FGF1: variants seen among roughly 807,000 people sequenced by gnomAD.
FGF1 encodes beta-endothelial cell growth factor.
Under a neutral mutation model 13.4 loss-of-function variants are expected in FGF1, and 9 were observed. The ratio of observed to expected loss-of-function variants is 0.67; its 90% CI spans 0.40 to 1.17. The LOEUF is 1.17. Among genes scored for constraint, FGF1 ranks in the 50% most tolerant of loss-of-function variants. The pLI is 0.01. For missense variants in FGF1, 156 were observed against 192.7 expected (o/e 0.81, Z 1.13); for synonymous variants, 93 against 79.0 (o/e 1.18, Z -0.94).
At chr5:142,626,877 G>A (rs1039083748) in intron 1 of FGF1, 10 of 152,246 alleles carry the variant, frequency 6.6e-5, no homozygotes, top group African/African-American at 2.4e-4. Context: ...CACAACCTGA[G>A]AGTCATAGAC....
chr5:142,657,417 C>G (rs185805826), intron 1 of FGF1, among the ~76,000 whole-genome samples: 11 of 152,156 alleles, frequency 7.2e-5, no homozygotes, highest in Admixed American at 3.3e-4. Context: ...AGCACCCCCC[C>G]AACACCTCTC....
At chr5:142,637,939 G>T (rs550274327) in intron 1 of FGF1, among the ~76,000 whole-genome samples, 2 of 152,152 alleles carry the variant, frequency 1.3e-5, no homozygotes, top group East Asian at 1.9e-4. Context: ...ACTCTGTGGG[G>T]CTTGGTGATG....
intron 1 of FGF1, among the ~76,000 whole-genome samples, chr5:142,663,446 G>T (rs1769666690): frequency 6.6e-6 from 1 of 152,172 alleles, no homozygotes; most frequent in African/African-American, 2.4e-5. Context: ...TGACTCAGTG[G>T]CTTGGAGGAG....
At position 142,600,703 on chromosome 5, in the gene FGF1, G is replaced by T; in HGVS notation, c.272C>A (p.Ser91Ter). 2 of 1,606,870 alleles carry T rather than the reference G, an allele frequency of 1.2e-6. No individual in the cohort carries two copies. The highest frequency in any genetic ancestry group is 1.3e-5 in the African/African-American group (1 of 74,842). Residue 91 changes from serine (S) to a stop codon, truncating the protein, a stop_gained and splice_region_variant, in exon 3 of 4, where the codon TCA becomes TAA. Transcript: ENST00000337706. LOFTEE classifies it high-confidence loss of function. ...GAAGCATGTCAGCTTCATACTTACT[G>T]AGCCGTATAAAAGCCCGTCGGTGTC... ...AMDTDGLLYG[S>*]QTPNEECLFL...
At chr5:142,693,734 G>C (rs1752612776) in intron 2 of FGF1, among the ~76,000 whole-genome samples, 1 of 152,036 alleles carries the variant, frequency 6.6e-6, no homozygotes, top group South Asian at 2.1e-4. Context: ...TCTACTTTCT[G>C]TCTCTATAGA....
intron 1 of FGF1, among the ~76,000 whole-genome samples, chr5:142,628,005 A>G (rs548771397): frequency 6.6e-6 from 1 of 152,238 alleles, no homozygotes; most frequent in Non-Finnish European, 1.5e-5. Flanking sequence ...CTCCACTCAC[A>G]ACCCAGCTGT....
chr5:142,681,072 A>G (rs1425388308), intron 1 of FGF1, among the ~76,000 whole-genome samples: 10 of 152,178 alleles, frequency 6.6e-5, no homozygotes, highest in Non-Finnish European at 1.5e-4. Flanking sequence ...GTAATACCCC[A>G]TGTTGACACA....
intron 1 of FGF1, among the ~76,000 whole-genome samples, chr5:142,633,906 T>C (rs747685931): frequency 1.3e-5 from 2 of 151,820 alleles, no homozygotes; most frequent in African/African-American, 4.8e-5. Flanking sequence ...CTCCCTCGGC[T>C]GGGCGTGGTG....
At chr5:142,654,633 G>A (rs1253064553) in intron 1 of FGF1, among the ~76,000 whole-genome samples, 1 of 152,216 alleles carries the variant, frequency 6.6e-6, no homozygotes, top group Non-Finnish European at 1.5e-5. Flanking sequence ...CCAGCCCTTG[G>A]CCTTGTGTCC....
intron 1 of FGF1, among the ~76,000 whole-genome samples, chr5:142,674,205 C>T (rs1055003833): frequency 7.2e-5 from 11 of 152,330 alleles, no homozygotes; most frequent in African/African-American, 2.4e-4. Flanking sequence ...GACATCTTAT[C>T]ACAATCCCTG....
chr5:142,669,069 G>T (rs751084557), intron 1 of FGF1, among the ~76,000 whole-genome samples: 7 of 152,252 alleles, frequency 4.6e-5, no homozygotes, highest in African/African-American at 1.7e-4. Flanking sequence ...GGCTGATGCC[G>T]CTGAGCGGGG....
intron 1 of FGF1, among the ~76,000 whole-genome samples, chr5:142,657,493 G>A (rs1480760482): frequency 6.6e-6 from 1 of 152,178 alleles, no homozygotes; most frequent in Non-Finnish European, 1.5e-5. Context: ...CCTTGGAAAA[G>A]CTTGTCCATG....
chr5:142,624,488 C>T (rs1444720468), intron 1 of FGF1, among the ~76,000 whole-genome samples: 3 of 152,204 alleles, frequency 2.0e-5, no homozygotes, highest in Non-Finnish European at 2.9e-5. Context: ...CTCAACATGA[C>T]GTGCTAGTGA....
At chr5:142,683,465 T>C (rs1186002381) in intron 1 of FGF1, among the ~76,000 whole-genome samples, 1 of 152,230 alleles carries the variant, frequency 6.6e-6, no homozygotes, top group Non-Finnish European at 1.5e-5. Flanking sequence ...GGTAGCCCGA[T>C]ATTTTGAGAA....
intron 2 of FGF1, among the ~76,000 whole-genome samples, chr5:142,603,920 T>C (rs1757111387): frequency 6.6e-6 from 1 of 152,198 alleles, no homozygotes; most frequent in Admixed American, 6.5e-5. Flanking sequence ...GCCAATAGAA[T>C]ATTCTTTGGC....
intron 1 of FGF1, among the ~76,000 whole-genome samples, chr5:142,676,620 G>A (rs1229665185): frequency 6.6e-6 from 1 of 152,196 alleles, no homozygotes; most frequent in African/African-American, 2.4e-5. Context: ...AGTGCCACAG[G>A]CTGTGGCTCT....
chr5:142,690,671 C>T (rs114842334), upstream of FGF1, among the ~76,000 whole-genome samples: 702 of 152,346 alleles, frequency 4.6e-3, 4 homozygotes, highest in African/African-American at 0.016. Flanking sequence ...CCTAATTGGC[C>T]TCCCTGCTCT....
intron 1 of FGF1, among the ~76,000 whole-genome samples, chr5:142,666,682 A>G (rs1770440608): frequency 6.6e-6 from 1 of 152,242 alleles, no homozygotes; most frequent in South Asian, 2.1e-4. Flanking sequence ...TCACGCCTAC[A>G]ATCCCAGTAC....
At chr5:142,666,216 A>T (rs13161790) in intron 1 of FGF1, among the ~76,000 whole-genome samples, 87,020 of 87,022 alleles carry the variant, frequency 1, 43,509 homozygotes, top group Middle Eastern at 1. Context: ...CCTCGCGAAA[A>T]AGGACTTTTC....
Sources: gnomAD v4.1 joint callset for allele counts (sites outside exome capture counted in the v4.1 genomes callset) on GRCh38, gnomAD v4.1.1 for gene constraint, MANE v1.5 for transcripts, NCBI Gene and HGNC (gene_info 2026-07-23, HGNC 2026-07-21) for gene names.